The following DERPC variants were observed in gnomAD, a reference collection of about 807,000 sequenced individuals.
The protein encoded by DERPC is decreased expression in renal and prostate cancer protein.
In DERPC, 1 loss-of-function variant was observed where a neutral mutation model predicts 7.2. That is an observed-to-expected ratio of 0.14 (90% CI 0.05 to 0.66). The LOEUF (loss-of-function observed/expected upper bound fraction) is 0.66, where lower values mean the gene tolerates loss of function less well. DERPC is among the 30% of genes least tolerant of loss of function. DERPC has a pLI of 0.84. For synonymous variants in DERPC, 185 were observed against 117.6 expected (o/e 1.57, Z -3.71); for missense variants, 502 against 299.4 (o/e 1.68, Z -4.99).
intron 1 of DERPC, among the ~76,000 whole-genome samples, chr16:69,126,828 T>C (rs1962092979): frequency 6.6e-6 from 1 of 152,224 alleles, no homozygotes; most frequent in African/African-American, 2.4e-5. Flanking sequence ...TTCTTGCTCC[T>C]TGAGATTCTA....
At position 69,121,293 on chromosome 16, in the gene DERPC, C is replaced by T; in HGVS notation, c.-222+143G>A. 5 of 1,213,184 alleles carry T rather than the reference C, an allele frequency of 4.1e-6. No homozygotes were observed. The Admixed American group carries it at 8.5e-5, about 21-fold the overall frequency. 75.2% of individuals were successfully genotyped at this position (1,213,184 alleles called of 1,614,324 possible). On this transcript the variant is annotated intron_variant, in intron 2 of 2. Coordinates refer to ENST00000519520, the MANE Select transcript of DERPC (RefSeq NM_001002847.4). ...GATGTCAAGTTCTTGGGAAATTGGG[C>T]AGTGCTAGGCATGGAACTAGAGATC... is the stretch of plus-strand genomic sequence containing the variant.
chr16:69,120,157 C>T lies in DERPC; in HGVS notation c.272G>A (p.Arg91His), dbSNP rs200740384. Residue 91 changes from arginine to histidine, a missense_variant, in exon 3 of 3, where the codon CGT becomes CAT. Physicochemically the swap from Arg to His is conservative, Grantham distance 29. Coordinates refer to ENST00000519520, the MANE Select transcript of DERPC (RefSeq NM_001002847.4). The surrounding 1 kb of genome is among the most constrained non-coding windows in gnomAD (Gnocchi z 4.0). Reference protein sequence around the residue: ...SNPAPFPAGARDPSMASFPRG... With the variant: ...SNPAPFPAGAHDPSMASFPRG... ...TGGAAAAGAAGCCATACTTGGGTCA[C>T]GAGCACCAGCCGGGAAAGGTGCTGG... is the stretch of plus-strand genomic sequence containing the variant. The T allele has an allele frequency of 9.6e-5, 67 of 701,342 alleles. No individual in the cohort carries two copies. Among genetic ancestry groups the T allele is most frequent in the Admixed American group, 2.0e-4 (10 of 50,006 alleles). The allele number at this position is 701,342 out of a possible 1,614,324, so 43.4% of individuals were successfully genotyped here.
At chr16:69,132,008 G>A (rs1422327465) in intron 1 of DERPC, 2 of 152,774 alleles carry the variant, frequency 1.3e-5, no homozygotes, top group African/African-American at 4.8e-5. Context: ...TACTTCCTAG[G>A]TTCCAGTTCT....
At chr16:69,121,891 G>A (rs961465124) in intron 1 of DERPC, among the ~76,000 whole-genome samples, 40 of 152,068 alleles carry the variant, frequency 2.6e-4, no homozygotes, top group Admixed American at 1.8e-3. Flanking sequence ...GGATGGTCTC[G>A]ATCTCCTGAC....
intron 1 of DERPC, chr16:69,131,172 G>A (rs2090036426): frequency 6.6e-6 from 1 of 152,122 alleles, no homozygotes; most frequent in Admixed American, 6.5e-5. Flanking sequence ...TGGAGGGTTG[G>A]TGGAATTGAA....
At chr16:69,132,287 T>A in intron 1 of DERPC, 197 bp downstream of exon 1, 1 of 26,560 alleles carries the variant, frequency 3.8e-5, no homozygotes, top group African/African-American at 1.6e-4. Context: ...CGCGCCGCCC[T>A]CCCGCCGCCC....
rs143561296 is a variant in DERPC at position 69,119,240 on chromosome 16, T to G, written c.1189A>C (p.Thr397Pro). 4,540 of 702,950 alleles carry G rather than the reference T, an allele frequency of 6.5e-3. 26 individuals are homozygous for G. Among genetic ancestry groups the G allele is most frequent in the Non-Finnish European group, 9.0e-3 (3,467 of 384,936 alleles). 43.5% of individuals were successfully genotyped at this position (702,950 alleles called of 1,614,324 possible). ...GGCCCAGAGGCTCTTGGGAAAATGG[T>G]TGGATTTGAGCCCTGGAGGCCAGCG... ...RSAGLQGSNP[T>P]IFPRASGPLG... is the part of the protein sequence containing the mutation. Residue 397 changes from threonine to proline, a missense_variant, in exon 3 of 3, where the codon ACC becomes CCC. Coordinates refer to ENST00000519520, the MANE Select transcript of DERPC (RefSeq NM_001002847.4).
rs767905023 is a variant in DERPC, at chr16:69,119,678, C to T, written c.751G>A (p.Ala251Thr). The T allele has an allele frequency of 7.4e-6, 5 of 674,284 alleles. No homozygotes were observed. In the East Asian group the frequency reaches 1.4e-4, roughly 18 times the overall value. The allele number at this position is 674,284 out of a possible 1,614,324, so 41.8% of individuals were successfully genotyped here. ...SGLGPGPNLD[A>T]RAGGLLGTGS... ...GTGCCCAAGAGGCCACCTGCTCTGG[C>T]ATCTAGATTAGGGCCTGGGCCCAGG... Residue 251 changes from alanine (A) to threonine (T), a missense_variant, in exon 3 of 3, where the codon GCC (alanine) becomes ACC (threonine). By Grantham distance (58) the Ala-to-Thr change is moderately conservative (BLOSUM62 0). Transcript: ENST00000519520.
At chr16:69,124,355 T>C (rs1275398477) in intron 1 of DERPC, among the ~76,000 whole-genome samples, 1 of 152,132 alleles carries the variant, frequency 6.6e-6, no homozygotes, top group Non-Finnish European at 1.5e-5. Flanking sequence ...CCACCTGTAG[T>C]ATGGAAAGTT....
chr16:69,121,224 G>C, intron 2 of DERPC: 1 of 1,511,568 alleles, frequency 6.6e-7, no homozygotes, highest in South Asian at 1.2e-5. Context: ...AGGATGAATA[G>C]TGTCCTCACA....
chr16:69,123,610 A>C (rs1462887018), intron 1 of DERPC, among the ~76,000 whole-genome samples: 1 of 152,110 alleles, frequency 6.6e-6, no homozygotes, highest in Non-Finnish European at 1.5e-5. Context: ...GTGAGCCAAG[A>C]TTGCTCCACC....
intron 1 of DERPC, among the ~76,000 whole-genome samples, chr16:69,131,066 T>A (rs1962471153): frequency 6.6e-6 from 1 of 152,230 alleles, no homozygotes; most frequent in Admixed American, 6.5e-5. Context: ...AGGTCTATAC[T>A]TTTGAAGGGG....
At chr16:69,129,080 G>A (rs1172977574) in intron 1 of DERPC, among the ~76,000 whole-genome samples, 2 of 148,382 alleles carry the variant, frequency 1.3e-5, no homozygotes, top group Non-Finnish European at 3.0e-5. Flanking sequence ...CAGACAAACT[G>A]AAACAAAACA....
At chr16:69,123,877 C>G (rs1355795691) in intron 1 of DERPC, among the ~76,000 whole-genome samples, 2 of 144,072 alleles carry the variant, frequency 1.4e-5, no homozygotes, top group African/African-American at 5.2e-5. Context: ...CACCTGAGGT[C>G]AGGAGTTTGA....
chr16:69,120,640 C>A lies in DERPC; in HGVS notation c.-212G>T, dbSNP rs766507616. 1.9e-6 allele frequency: 3 copies of A among 1,608,224 alleles called. No homozygotes were observed. The highest frequency in any genetic ancestry group is 2.2e-5 in the East Asian group (1 of 44,708). Reference sequence around the variant, plus strand: ...AGGATATGATGCCCCACGATCAGCACAGGGATTCCCTTTGGCAGAACAAGA... The same window carrying A: ...AGGATATGATGCCCCACGATCAGCAAAGGGATTCCCTTTGGCAGAACAAGA... On this transcript the variant is annotated 5_prime_UTR_variant, in exon 3 of 3. Transcript: ENST00000519520. The surrounding 1 kb of genome is among the most constrained non-coding windows in gnomAD (Gnocchi z 4.0).
rs1381714103 is a variant in DERPC at position 69,118,232 on chromosome 16, C to T, written c.*622G>A. The T allele has an allele frequency of 1.2e-5, 8 of 691,594 alleles. No individual in the cohort carries two copies. The highest frequency in any genetic ancestry group is 2.1e-5 in the Non-Finnish European group (8 of 379,796). The allele number at this position is 691,594 out of a possible 1,614,324, so 42.8% of individuals were successfully genotyped here. A position where few individuals can be genotyped will look rare whatever the true frequency, so the allele number is the denominator to read the frequency against. On this transcript the variant is annotated 3_prime_UTR_variant, in exon 3 of 3. Coordinates refer to ENST00000519520, the MANE Select transcript of DERPC (RefSeq NM_001002847.4). ...GAGGGAGTTGGATGAGTAGAGGGGC[C>T]TTAAATCTGGCCACCTCTAAGTCCC...
chr16:69,123,818 T>C (rs986858940), intron 1 of DERPC, among the ~76,000 whole-genome samples: 1 of 150,686 alleles, frequency 6.6e-6, no homozygotes, highest in Non-Finnish European at 1.5e-5. Flanking sequence ...CCGGGAGCAG[T>C]AGCTCACGCC....
At chr16:69,121,236 C>T (rs1961631240) in intron 2 of DERPC, 200 bp downstream of exon 2, 1 of 1,469,628 alleles carries the variant, frequency 6.8e-7, no homozygotes, top group African/African-American at 1.4e-5. Flanking sequence ...GTCCTCACAC[C>T]ACCATTTGAG....
At chr16:69,121,033 G>C (rs1194360016) in intron 2 of DERPC, 1 of 1,600,048 alleles carries the variant, frequency 6.2e-7, no homozygotes, top group South Asian at 1.1e-5. Flanking sequence ...CATTAGGCAG[G>C]GAAAGAAAAG....
Sources: gnomAD v4.1 joint callset for allele counts (sites outside exome capture counted in the v4.1 genomes callset) on GRCh38, gnomAD v4.1.1 for gene constraint, Gnocchi (gnomAD v3.1) non-coding constraint, MANE v1.5 for transcripts, NCBI Gene and HGNC (gene_info 2026-07-23, HGNC 2026-07-21) for gene names.